Variants in RSRC1 observed in about 807,000 individuals in gnomAD.
RSRC1 encodes serine/Arginine-related protein 53.
RSRC1 carries 39 observed loss-of-function variants against 49.1 expected under a neutral mutation model. That is an observed-to-expected ratio of 0.79 (90% CI 0.61 to 1.04). The LOEUF (loss-of-function observed/expected upper bound fraction) is 1.04. Among genes scored for constraint, RSRC1 ranks in the 50% least tolerant of loss-of-function variants. The pLI is 0.00. For synonymous variants in RSRC1, 143 were observed against 130.8 expected, an observed-to-expected ratio of 1.09 and a Z score of -0.63; for missense variants, 388 against 402.4, an observed-to-expected ratio of 0.96 and a Z score of 0.31.
rs1472809668 is a variant in RSRC1, at chr3:158,545,401, C to G, written c.*1126C>G. On this transcript the variant is annotated 3_prime_UTR_variant, in exon 10 of 10. Coordinates refer to ENST00000611884, the MANE Select transcript of RSRC1 (RefSeq NM_001271838.2). ...TGTTTTTAGTAGAGATGGGGTTTCA[C>G]CATTTTAGCCAGGATGGTCTATTTT... 1 of 151,854 alleles carries G rather than the reference C, an allele frequency of 6.6e-6. No individual in the cohort carries two copies. The highest frequency in any genetic ancestry group is 1.9e-4 in the East Asian group (1 of 5,154). The allele number at this position is 151,854 out of a possible 1,614,324, so 9.4% of individuals were successfully genotyped here. A position where few individuals can be genotyped will look rare whatever the true frequency, so the allele number is the denominator to read the frequency against.
At chr3:158,238,239 CATT>C (rs1296046415) in intron 4 of RSRC1, among the ~76,000 whole-genome samples, 1 of 152,182 alleles carries the variant, frequency 6.6e-6, no homozygotes, top group East Asian at 1.9e-4. Flanking sequence ...AATGAAAGAA[CATT>C]CCATGCTCAT....
At chr3:158,473,763 G>C (rs1203078555) in intron 7 of RSRC1, among the ~76,000 whole-genome samples, 3 of 151,980 alleles carry the variant, frequency 2.0e-5, no homozygotes, top group Non-Finnish European at 4.4e-5. Context: ...TTTTAGGCAA[G>C]TTTTTAATGT....
chr3:158,538,435 T>C (rs1712840211), intron 8 of RSRC1, among the ~76,000 whole-genome samples: 1 of 151,866 alleles, frequency 6.6e-6, no homozygotes. Flanking sequence ...AATCTTATTC[T>C]TACATATTAT....
At chr3:158,131,596 C>T (rs2108180330) in intron 3 of RSRC1, among the ~76,000 whole-genome samples, 1 of 152,232 alleles carries the variant, frequency 6.6e-6, no homozygotes, top group East Asian at 1.9e-4. Context: ...CAAAATATTT[C>T]CTGTTGCTGT....
intron 6 of RSRC1, among the ~76,000 whole-genome samples, chr3:158,416,113 T>G (rs1311356964): frequency 6.6e-6 from 1 of 152,102 alleles, no homozygotes; most frequent in East Asian, 1.9e-4. Context: ...TTTTATATCT[T>G]GAATTACCAC....
chr3:158,463,296 T>C (rs1201317527), intron 7 of RSRC1, among the ~76,000 whole-genome samples: 1 of 152,116 alleles, frequency 6.6e-6, no homozygotes, highest in African/African-American at 2.4e-5. Flanking sequence ...CTTCCAAATT[T>C]TTTTTCTCTT....
intron 6 of RSRC1, among the ~76,000 whole-genome samples, chr3:158,393,854 A>T (rs1733462899): frequency 6.6e-6 from 1 of 152,056 alleles, no homozygotes; most frequent in African/African-American, 2.4e-5. Context: ...CACAGCAAAA[A>T]AACAAAACTT....
In RSRC1 at chr3:158,123,056, G is replaced by T. The variant is rs185764621; in HGVS notation, c.194+758G>T. ...AACGGAGTTTTGCTCTTGTTGTCCA[G>T]GCTGGAGTACAATGGCGTGATCTCA... On this transcript the variant is annotated intron_variant, in intron 2 of 9. Coordinates refer to ENST00000611884, the MANE Select transcript of RSRC1 (RefSeq NM_001271838.2). Among the ~76,000 whole-genome samples, 208 of 152,296 alleles carry T rather than the reference G, an allele frequency of 1.4e-3. 3 individuals are homozygous for T. The highest frequency in any genetic ancestry group is 4.8e-3 in the African/African-American group (201 of 41,556).
chr3:158,289,359 G>T (rs1321166428), intron 4 of RSRC1, among the ~76,000 whole-genome samples: 2 of 152,192 alleles, frequency 1.3e-5, no homozygotes, highest in African/African-American at 4.8e-5. Context: ...AATAAGCCAA[G>T]TGTGTATCAT....
intron 4 of RSRC1, among the ~76,000 whole-genome samples, chr3:158,239,504 C>T (rs1723441864): frequency 6.6e-6 from 1 of 151,140 alleles, no homozygotes; most frequent in African/African-American, 2.4e-5. Flanking sequence ...GGCACATATA[C>T]ACCATGGAAT....
intron 5 of RSRC1, among the ~76,000 whole-genome samples, chr3:158,308,638 A>G (rs1458117151): frequency 6.6e-6 from 1 of 151,968 alleles, no homozygotes. Context: ...ATGATATTAC[A>G]TTTAGTGCCT....
chr3:158,203,163 C>T lies in RSRC1; in HGVS notation c.412C>T (p.Arg138Ter), dbSNP rs764490596. The T allele has an allele frequency of 7.4e-6, 12 of 1,612,902 alleles. No individual in the cohort carries two copies. The highest frequency in any genetic ancestry group is 4.0e-5 in the African/African-American group (3 of 74,702). Residue 138 changes from arginine to a stop codon, truncating the protein, a stop_gained, in exon 4 of 10, where the codon CGA becomes TGA. Transcript: ENST00000611884. LOFTEE classifies it high-confidence loss of function. Reference sequence around the variant, plus strand: ...GCGTAGTCGGTCTCGGGATAGAGAACGACGTAAGGGCAGAGATAAAGAGAA... The same window carrying T: ...GCGTAGTCGGTCTCGGGATAGAGAATGACGTAAGGGCAGAGATAAAGAGAA... ...RTRSRSRDRE[R>*]RKGRDKEKRE...
At chr3:158,526,204 C>G (rs1489394161) in intron 7 of RSRC1, among the ~76,000 whole-genome samples, 1 of 151,816 alleles carries the variant, frequency 6.6e-6, no homozygotes, top group African/African-American at 2.4e-5. Context: ...CCTACCCCAC[C>G]TCTGTTTAAA....
chr3:158,417,729 C>T (rs999123348), intron 6 of RSRC1, among the ~76,000 whole-genome samples: 4 of 150,964 alleles, frequency 2.6e-5, no homozygotes, highest in African/African-American at 9.7e-5. Context: ...AATTTTTATA[C>T]AGATTTATTA....
chr3:158,113,927 A>G (rs924114951), intron 1 of RSRC1, among the ~76,000 whole-genome samples: 9 of 152,104 alleles, frequency 5.9e-5, no homozygotes, highest in African/African-American at 9.7e-5. Context: ...ATAGGTTGCA[A>G]AAATTTTCCT....
At chr3:158,466,754 G>A (rs148897426) in intron 7 of RSRC1, among the ~76,000 whole-genome samples, 20 of 152,262 alleles carry the variant, frequency 1.3e-4, no homozygotes, top group African/African-American at 4.3e-4. Flanking sequence ...AATATGAAAT[G>A]GCGATAGTAT....
intron 4 of RSRC1, among the ~76,000 whole-genome samples, chr3:158,207,728 C>T (rs1037204719): frequency 2.6e-5 from 4 of 151,434 alleles, no homozygotes; most frequent in African/African-American, 9.7e-5. Flanking sequence ...AAAGCAAGGA[C>T]AGTAAGTACA....
intron 7 of RSRC1, among the ~76,000 whole-genome samples, chr3:158,530,931 T>TAA (rs564197735): frequency 1.6e-4 from 20 of 123,542 alleles, no homozygotes; most frequent in African/African-American, 2.7e-4. Flanking sequence ...AAAAGAAACT[T>TAA]AAAAAAAAAA....
At chr3:158,194,996 C>A (rs1458727029) in intron 3 of RSRC1, among the ~76,000 whole-genome samples, 2 of 152,102 alleles carry the variant, frequency 1.3e-5, no homozygotes, top group African/African-American at 4.8e-5. Flanking sequence ...GATTTATAAT[C>A]CTTTGGGTAT....
Sources: allele counts gnomAD v4.1 joint callset (sites outside exome capture counted in the v4.1 genomes callset), GRCh38; gene constraint gnomAD v4.1.1; transcripts MANE v1.5; gene names NCBI Gene and HGNC (gene_info 2026-07-23, HGNC 2026-07-21).